ZZEF1: variants seen among roughly 807,000 people sequenced by gnomAD.
The protein encoded by ZZEF1 is zinc finger ZZ-type and EF-hand domain-containing protein 1.
In ZZEF1, 157 loss-of-function variants were observed where a neutral mutation model predicts 342.8. The ratio of observed to expected loss-of-function variants is 0.46; its 90% confidence interval spans 0.40 to 0.52. The LOEUF (loss-of-function observed/expected upper bound fraction) is 0.52. Ranked by LOEUF, ZZEF1 falls within the 20% of genes least tolerant of loss-of-function variation. The probability of loss-of-function intolerance (pLI) is 0.00; values close to 1 mark genes in which losing one functional copy is unlikely to be tolerated. For missense variants in ZZEF1, 3,480 were observed against 3,725.6 expected (o/e 0.93, Z 1.72); for synonymous variants, 1,505 against 1,429.1 (o/e 1.05, Z -1.20).
At chr17:4,030,300 G>T (rs1170156507) in intron 42 of ZZEF1, among the ~76,000 whole-genome samples, 2 of 152,090 alleles carry the variant, frequency 1.3e-5, no homozygotes, top group Non-Finnish European at 2.9e-5. Context: ...AATATGCCAG[G>T]CTGAGAGAAA....
intron 29 of ZZEF1, among the ~76,000 whole-genome samples, chr17:4,064,131 T>C (rs2057342610): frequency 6.6e-6 from 1 of 152,040 alleles, no homozygotes; most frequent in Admixed American, 6.5e-5. Flanking sequence ...TCCTCCCACT[T>C]TGGCCTCCCA....
At chr17:4,136,700 G>A (rs2058754723) in intron 1 of ZZEF1, among the ~76,000 whole-genome samples, 1 of 152,174 alleles carries the variant, frequency 6.6e-6, no homozygotes, top group Admixed American at 6.5e-5. Context: ...CGGGGGCAGA[G>A]AGGGGGCAGC....
Position 4,087,783 on chromosome 17 carries a change from AACACACACACACACACAC to A in ZZEF1, c.2242-267_2242-250del, listed in dbSNP as rs10522603. ...TAAGTGTATATAGATATATACACAC[AACACACACACACACACAC>A]ACACACACACACACACACACACACA... On this transcript the variant is annotated intron_variant, in intron 13 of 54. Transcript: ENST00000381638. Among the ~76,000 whole-genome samples the A allele has an allele frequency of 2.2e-3, 317 of 146,080 alleles. 1 individual carries two copies. The highest frequency in any genetic ancestry group is 0.014 in the East Asian group (68 of 5,018).
intron 19 of ZZEF1, among the ~76,000 whole-genome samples, chr17:4,077,615 A>G (rs1046031095): frequency 4.6e-5 from 7 of 152,242 alleles, no homozygotes; most frequent in Non-Finnish European, 1.0e-4. Context: ...TAAGAGTGCT[A>G]TATGATTGCA....
At chr17:4,119,667 G>C (rs2058452656) in intron 2 of ZZEF1, among the ~76,000 whole-genome samples, 1 of 152,186 alleles carries the variant, frequency 6.6e-6, no homozygotes. Flanking sequence ...TCAGCCCTTT[G>C]TCTAAAGGAG....
intron 3 of ZZEF1, 39 bp from the exon 4 acceptor site, chr17:4,114,509 T>C (rs1411025127): frequency 7.2e-7 from 1 of 1,390,986 alleles, no homozygotes; most frequent in Non-Finnish European, 9.5e-7. Context: ...GACATCCCTT[T>C]CACAAAGGGA....
intron 31 of ZZEF1, 90 bp from the exon 32 acceptor site, chr17:4,058,245 T>C (rs1391604539): frequency 2.1e-6 from 3 of 1,407,498 alleles, no homozygotes; most frequent in African/African-American, 2.9e-5. Context: ...TGGTTTGCAA[T>C]TGAAAGCAGA....
rs2057315024 is a variant in ZZEF1 at position 4,062,912 on chromosome 17, A to G, written c.4724T>C (p.Val1575Ala). ...KDQSLSHRSV[V>A]KVLSLRKAQA... ...GGCTTTCCTCAGGGAAAGAACCTTC[A>G]CAACACTGGAGACACAATGCAAGTC... is the stretch of plus-strand genomic sequence containing the variant. The change falls in exon 30 of 55, where the codon GTG (valine) becomes GCG (alanine). Residue 1575 changes from valine to alanine, a missense_variant. Val to Ala is a moderately conservative substitution (Grantham distance 64). Around this residue, in one of 5 missense-constraint regions of ZZEF1, gnomAD observed 1,528 missense variants for 1,624.1 expected, o/e 0.94. Coordinates refer to ENST00000381638, the MANE Select transcript of ZZEF1 (RefSeq NM_015113.4). 1 of 1,610,520 alleles carries G rather than the reference A, an allele frequency of 6.2e-7. No individual in the cohort carries two copies. Among genetic ancestry groups the G allele is most frequent in the East Asian group, 2.2e-5 (1 of 44,852 alleles).
intron 7 of ZZEF1, 30 bp downstream of exon 7, chr17:4,105,663 A>C: frequency 2.0e-6 from 3 of 1,503,592 alleles, no homozygotes; most frequent in Non-Finnish European, 2.8e-6. Context: ...CATTCCTCAC[A>C]GAGTTTACCC....
chr17:4,040,821 C>G (rs1212423017), intron 39 of ZZEF1, among the ~76,000 whole-genome samples: 3 of 152,136 alleles, frequency 2.0e-5, no homozygotes, highest in Admixed American at 2.0e-4. Flanking sequence ...AGCTGAGATC[C>G]AGTCAGGAAA....
In ZZEF1 at chr17:4,016,258, C is replaced by T. The variant is rs954545063; in HGVS notation, c.8145+65G>A. The T allele has an allele frequency of 3.1e-5, 48 of 1,551,042 alleles. No homozygotes were observed. Among genetic ancestry groups the T allele is most frequent in the South Asian group, 1.7e-4 (14 of 80,124 alleles). ...GGGCTGAGCATGGAGGGGCTGAGCA[C>T]GGAGGGGCTGACGAGGTCTCTGCGG... On this transcript the variant is annotated intron_variant, in intron 49 of 54. Coordinates refer to ENST00000381638, the MANE Select transcript of ZZEF1 (RefSeq NM_015113.4). This position sits in a 1 kb window ranked among gnomAD's most constrained non-coding sequence, Gnocchi z 4.4.
chr17:4,025,120 TG>T lies in ZZEF1; in HGVS notation c.6893-3del. 1 of 1,613,964 alleles carries T rather than the reference TG, an allele frequency of 6.2e-7. No homozygotes were observed. Among genetic ancestry groups the T allele is most frequent in the East Asian group, 2.2e-5 (1 of 44,888 alleles). On this transcript the variant is annotated splice_polypyrimidine_tract_variant and splice_region_variant and intron_variant, in intron 42 of 54. Transcript: ENST00000381638. ...TCTGGACCAGCTGGTAGTCCTTCAC[TG>T]AAGGGTGACATCAGGCAGAAAAAGA...
chr17:4,018,134 T>A (rs559733160), intron 46 of ZZEF1, among the ~76,000 whole-genome samples, 163 bp from the exon 47 acceptor site: 1 of 152,228 alleles, frequency 6.6e-6, no homozygotes. Context: ...CCTTCACTTA[T>A]GCATGGATAC....
At chr17:4,019,883 AT>A in intron 45 of ZZEF1, 114 bp from the exon 46 acceptor site, 1 of 705,762 alleles carries the variant, frequency 1.4e-6, no homozygotes, top group Non-Finnish European at 2.3e-6. Flanking sequence ...ACAGGTTATA[AT>A]TGAGGAACAT....
rs9912870 is a variant in ZZEF1 at position 4,066,057 on chromosome 17, C to T, written c.4249+390G>A. 3.9e-5 allele frequency among the ~76,000 whole-genome samples: 6 copies of T among 152,124 alleles called. 1 individual carries two copies. In the South Asian group the frequency reaches 1.0e-3, roughly 26 times the overall value. On this transcript the variant is annotated intron_variant, in intron 28 of 54. Transcript: ENST00000381638. Reference sequence around the variant, plus strand: ...TGGCACCTGCTTGATGTCCCAGCTACCCGGTAGGCTAAGGCGGGAAGATTG... The same window carrying T: ...TGGCACCTGCTTGATGTCCCAGCTATCCGGTAGGCTAAGGCGGGAAGATTG...
intron 11 of ZZEF1, among the ~76,000 whole-genome samples, chr17:4,091,206 TC>T (rs2057937023): frequency 6.6e-6 from 1 of 152,200 alleles, no homozygotes; most frequent in Admixed American, 6.5e-5. Flanking sequence ...TGGTTTTCTT[TC>T]CCTAGGTCTG....
chr17:4,069,075 C>A (rs1171649768), intron 26 of ZZEF1, among the ~76,000 whole-genome samples: 2 of 152,204 alleles, frequency 1.3e-5, no homozygotes, highest in Non-Finnish European at 2.9e-5. Flanking sequence ...CGAGTTCCCA[C>A]AGTTGTAGAG....
At chr17:4,064,901 A>C (rs191480883) in intron 28 of ZZEF1, 72 bp from the exon 29 acceptor site, 118 of 1,156,584 alleles carry the variant, frequency 1.0e-4, no homozygotes, top group African/African-American at 1.6e-5. Context: ...GGGGAGAGGG[A>C]TAGCATTAGA....
At chr17:4,071,915 G>A (rs1202282489) in intron 25 of ZZEF1, among the ~76,000 whole-genome samples, 2 of 152,140 alleles carry the variant, frequency 1.3e-5, no homozygotes, top group Non-Finnish European at 2.9e-5. Flanking sequence ...TGGGCTGTGG[G>A]GAAGGGAAGA....
Sources: gnomAD v4.1 joint callset for allele counts (sites outside exome capture counted in the v4.1 genomes callset) on GRCh38, gnomAD v4.1.1 for gene constraint, gnomAD v4.1.1 regional missense constraint, Gnocchi (gnomAD v3.1) non-coding constraint, MANE v1.5 for transcripts, NCBI Gene and HGNC (gene_info 2026-07-23, HGNC 2026-07-21) for gene names.